Variants in XKR4 observed in about 807,000 individuals in gnomAD.
XKR4 encodes the protein XK related 4.
XKR4 carries 12 observed loss-of-function variants against 53.9 expected under a neutral mutation model. The observed-to-expected ratio is 0.22, with a 90% CI of 0.14 to 0.36. XKR4 has a LOEUF of 0.36. Ranked by LOEUF, XKR4 falls within the 10% of genes least tolerant of loss-of-function variation. XKR4 has a pLI of 1.00. For synonymous variants in XKR4, 354 were observed against 362.4 expected (o/e 0.98, Z 0.26); for missense variants, 799 against 859.5 (o/e 0.93, Z 0.88).
intron 1 of XKR4, among the ~76,000 whole-genome samples, chr8:55,244,536 A>G (rs1353473711): frequency 6.6e-6 from 1 of 152,156 alleles, no homozygotes; most frequent in East Asian, 1.9e-4. Context: ...ATACATGTGC[A>G]TGTGTCTTTA....
chr8:55,541,612 T>C lies in XKR4; in HGVS notation c.*17385T>C, dbSNP rs969354738. 2.0e-5 allele frequency: 3 copies of C among 152,188 alleles called. No individual in the cohort carries two copies. Among genetic ancestry groups the C allele is most frequent in the Non-Finnish European group, 4.4e-5 (3 of 68,030 alleles). The allele number at this position is 152,188 out of a possible 1,614,324, so 9.4% of individuals were successfully genotyped here. A position where few individuals can be genotyped will look rare whatever the true frequency, so the allele number is the denominator to read the frequency against. On this transcript the variant is annotated 3_prime_UTR_variant, in exon 3 of 3. Coordinates refer to ENST00000327381, the MANE Select transcript of XKR4 (RefSeq NM_052898.2). ...TGTGCGTAGGGAACGGTGTAGACAT[T>C]TCCCCCAGTATGAGCACAGTGCCTG...
At chr8:55,151,592 TG>T (rs1816840987) in intron 1 of XKR4, among the ~76,000 whole-genome samples, 2 of 152,206 alleles carry the variant, frequency 1.3e-5, no homozygotes, top group South Asian at 4.1e-4. Flanking sequence ...ATTTATATAT[TG>T]TTTTTTATAA....
At position 55,526,530 on chromosome 8, in the gene XKR4, A is replaced by C. The variant is rs1162629521; in HGVS notation, c.*2303A>C. ...CACATGGTGAAAACATTCCATCCCC[A>C]CTGGAGAAGGAAAAAACGATTTTGG... On this transcript the variant is annotated 3_prime_UTR_variant, in exon 3 of 3. Transcript: ENST00000327381. The C allele has an allele frequency of 6.6e-6, 1 of 152,196 alleles. No individual in the cohort carries two copies. The allele number at this position is 152,196 out of a possible 1,614,324, so 9.4% of individuals were successfully genotyped here.
chr8:55,268,518 A>C (rs1818643144), intron 1 of XKR4, among the ~76,000 whole-genome samples: 1 of 152,194 alleles, frequency 6.6e-6, no homozygotes, highest in Admixed American at 6.5e-5. Flanking sequence ...TTACATAATT[A>C]GGTTTTTAAA....
chr8:55,130,949 C>T (rs532885265), intron 1 of XKR4, among the ~76,000 whole-genome samples: 4 of 152,182 alleles, frequency 2.6e-5, no homozygotes, highest in South Asian at 2.1e-4. Flanking sequence ...CACCTGAGGT[C>T]GGGAGTTTGA....
rs184681188 is a variant in XKR4, at chr8:55,177,739, G to T, written c.806+74445G>T. On this transcript the variant is annotated intron_variant, in intron 1 of 2. Transcript: ENST00000327381. ...ATGTCACATTGCTTCTTTCCCAGAG[G>T]ATTTGATTTTATAGCATGGCTATTG... Among the ~76,000 whole-genome samples, 7 of 152,320 alleles carry T rather than the reference G, an allele frequency of 4.6e-5. No individual in the cohort carries two copies. In the East Asian group the frequency reaches 1.4e-3, roughly 29 times the overall value.
rs141781996 is a variant in XKR4 at position 55,325,649 on chromosome 8, T to C, written c.807-32029T>C. Among the ~76,000 whole-genome samples, 6 of 152,312 alleles carry C rather than the reference T, an allele frequency of 3.9e-5. No homozygotes were observed. In the East Asian group the frequency reaches 1.2e-3, roughly 29 times the overall value. ...TCCTTTATTTCTATTTTAAATATTA[T>C]TTTTTCTTTCCTAAATAATTTTAAG... is the stretch of plus-strand genomic sequence containing the variant. On this transcript the variant is annotated intron_variant, in intron 1 of 2. Transcript: ENST00000327381.
chr8:55,449,378 A>T, intron 2 of XKR4: 1 of 609,696 alleles, frequency 1.6e-6, no homozygotes, highest in Non-Finnish European at 3.0e-6. Context: ...TGTACACACA[A>T]GTGCTGGGGG....
chr8:55,504,703 ATG>A (rs1563368554), intron 2 of XKR4, among the ~76,000 whole-genome samples: 1 of 151,980 alleles, frequency 6.6e-6, no homozygotes, highest in Non-Finnish European at 1.5e-5. Context: ...TCTTTGTTAG[ATG>A]GTTTTGCCTA....
At chr8:55,498,764 C>T (rs1806394493) in intron 2 of XKR4, among the ~76,000 whole-genome samples, 1 of 152,086 alleles carries the variant, frequency 6.6e-6, no homozygotes, top group Non-Finnish European at 1.5e-5. Flanking sequence ...CAGAATGAGA[C>T]CCTGAGAGAG....
rs141528491 is a variant in XKR4, at chr8:55,136,954, A to T, written c.806+33660A>T. On this transcript the variant is annotated intron_variant, in intron 1 of 2. Coordinates refer to ENST00000327381, the MANE Select transcript of XKR4 (RefSeq NM_052898.2). ...TCTTTGAGGCATAGAGAGAGAGCTA[A>T]TTACAATATAGCATGAATAAGTGCC... Among the ~76,000 whole-genome samples the T allele has an allele frequency of 1.6e-3, 239 of 152,352 alleles. 4 individuals carry two copies. The highest frequency in any genetic ancestry group is 7.1e-4 in the Non-Finnish European group (48 of 68,034).
In XKR4 at chr8:55,445,586, G is replaced by A. The variant is rs565408880; in HGVS notation, c.1007-77695G>A. ...TTTAAAATTTCTGGCCTGAAATTAT[G>A]TCTGCTAGGGTAAGTTTTTAGACCA... On this transcript the variant is annotated intron_variant, in intron 2 of 2. Coordinates refer to ENST00000327381, the MANE Select transcript of XKR4 (RefSeq NM_052898.2). Among the ~76,000 whole-genome samples the A allele has an allele frequency of 3.4e-4, 52 of 152,190 alleles. 1 individual carries two copies. The South Asian group carries it at 8.3e-3, about 24-fold the overall frequency.
chr8:55,334,330 C>A (rs1195555752), intron 1 of XKR4, among the ~76,000 whole-genome samples: 1 of 152,162 alleles, frequency 6.6e-6, no homozygotes, highest in Admixed American at 6.6e-5. Flanking sequence ...TAAATTAAAT[C>A]AGGAGAACTG....
chr8:55,223,367 C>G (rs1205321809), intron 1 of XKR4, among the ~76,000 whole-genome samples: 2 of 152,096 alleles, frequency 1.3e-5, no homozygotes, highest in Non-Finnish European at 2.9e-5. Context: ...TAGTTAATAT[C>G]CTGTTTTGTG....
intron 2 of XKR4, among the ~76,000 whole-genome samples, chr8:55,400,509 G>A (rs1001902191): frequency 1.8e-4 from 28 of 152,122 alleles, no homozygotes; most frequent in African/African-American, 4.8e-4. Flanking sequence ...TTTTCTCTTT[G>A]AGGCTGACAC....
chr8:55,454,885 C>T, intron 2 of XKR4: 1 of 765,354 alleles, frequency 1.3e-6, no homozygotes, highest in Non-Finnish European at 2.4e-6. Flanking sequence ...CGTGTCGTTT[C>T]CTGCTCCCAG....
chr8:55,306,544 C>T (rs906324654), intron 1 of XKR4, among the ~76,000 whole-genome samples: 1 of 152,172 alleles, frequency 6.6e-6, no homozygotes, highest in Non-Finnish European at 1.5e-5. Flanking sequence ...CAAGTCACAT[C>T]ACATGGATGG....
At chr8:55,450,810 G>A in intron 2 of XKR4, 1 of 513,902 alleles carries the variant, frequency 1.9e-6, no homozygotes, top group Non-Finnish European at 3.7e-6. Flanking sequence ...ATACCACATG[G>A]GTGGTGATGT....
intron 1 of XKR4, among the ~76,000 whole-genome samples, chr8:55,302,153 A>C (rs1819209630): frequency 6.6e-6 from 1 of 152,156 alleles, no homozygotes; most frequent in Non-Finnish European, 1.5e-5. Context: ...TCTTTAATCC[A>C]TCTTGAATTA....
Sources: gnomAD v4.1 joint callset for allele counts (sites outside exome capture counted in the v4.1 genomes callset) on GRCh38, gnomAD v4.1.1 for gene constraint, MANE v1.5 for transcripts, NCBI Gene and HGNC (gene_info 2026-07-23, HGNC 2026-07-21) for gene names.